Variants in EIPR1 observed in about 807,000 individuals in gnomAD.
EIPR1 encodes the protein EARP complex and GARP complex interacting protein 1, also known as EARP and GARP complex-interacting protein 1.
In EIPR1, 25 loss-of-function variants were observed where a neutral mutation model predicts 48.1. The observed-to-expected ratio is 0.52, with a 90% CI of 0.38 to 0.73. EIPR1 has a LOEUF of 0.73. Among genes scored for constraint, EIPR1 ranks in the 30% least tolerant of loss-of-function variants. The pLI is 0.00. For synonymous variants in EIPR1, 204 were observed against 201.9 expected, an observed-to-expected ratio of 1.01 and a Z score of -0.09; for missense variants, 415 against 506.2, an observed-to-expected ratio of 0.82 and a Z score of 1.73.
chr2:3,354,590 C>G lies in EIPR1; in HGVS notation c.86G>C (p.Arg29Pro). 6.2e-7 allele frequency: 1 copy of G among 1,614,024 alleles called. No individual in the cohort carries two copies. The highest frequency in any genetic ancestry group is 8.5e-7 in the Non-Finnish European group (1 of 1,179,984). ...TPQTAETDAIRFLVGTQSLKY... is the reference protein window; with the variant it reads ...TPQTAETDAIPFLVGTQSLKY... Reference sequence around the variant, plus strand: ...AAGAGACTGCGTCCCAACCAAAAACCGAATGGCATCTGTTTCTGCAGTTTG... The same window carrying G: ...AAGAGACTGCGTCCCAACCAAAAACGGAATGGCATCTGTTTCTGCAGTTTG... Residue 29 changes from arginine (R) to proline (P), a missense_variant, in exon 2 of 9, where the codon CGG (arginine) becomes CCG (proline). Transcript: ENST00000382125.
intron 5 of EIPR1, chr2:3,209,025 G>C (rs1055538589): frequency 1.4e-6 from 2 of 1,447,070 alleles, no homozygotes; most frequent in Non-Finnish European, 1.8e-6. Context: ...AGTGGAGGTG[G>C]CTGACCAGCA....
chr2:3,256,589 CAT>C (rs1177996214), intron 4 of EIPR1, among the ~76,000 whole-genome samples: 1 of 152,228 alleles, frequency 6.6e-6, no homozygotes, highest in African/African-American at 2.4e-5. Flanking sequence ...CACACACGCA[CAT>C]GTGTATGTGT....
chr2:3,225,006 C>A (rs977869296), intron 4 of EIPR1, among the ~76,000 whole-genome samples: 2 of 152,200 alleles, frequency 1.3e-5, no homozygotes, highest in Admixed American at 1.3e-4. Context: ...CACAGGTTTT[C>A]AATGTGAGTA....
At chr2:3,198,747 G>A (rs1017281751) in intron 5 of EIPR1, among the ~76,000 whole-genome samples, 2 of 152,082 alleles carry the variant, frequency 1.3e-5, no homozygotes, top group Non-Finnish European at 2.9e-5. Context: ...GGGAGTGTAC[G>A]AATAGGGTGT....
At chr2:3,323,278 A>G (rs1275312099) in intron 3 of EIPR1, among the ~76,000 whole-genome samples, 1 of 152,180 alleles carries the variant, frequency 6.6e-6, no homozygotes, top group African/African-American at 2.4e-5. Flanking sequence ...TGGTCCCCCC[A>G]GCCAGGAACG....
chr2:3,275,092 C>A (rs990871292), intron 3 of EIPR1, among the ~76,000 whole-genome samples: 1 of 152,002 alleles, frequency 6.6e-6, no homozygotes, highest in African/African-American at 2.4e-5. Context: ...TCAGTATTCA[C>A]AATAACTATA....
At chr2:3,195,853 C>T (rs532581604) in intron 6 of EIPR1, among the ~76,000 whole-genome samples, 2 of 152,344 alleles carry the variant, frequency 1.3e-5, no homozygotes, top group South Asian at 2.1e-4. Context: ...AGACACAACA[C>T]GGGCAAAATG....
At chr2:3,252,942 G>A (rs948659591) in intron 4 of EIPR1, among the ~76,000 whole-genome samples, 8 of 152,226 alleles carry the variant, frequency 5.3e-5, no homozygotes, top group Non-Finnish European at 1.0e-4. Flanking sequence ...TTTCTCCCTA[G>A]CCAGGGCTCT....
chr2:3,304,417 C>G (rs1668850859), intron 3 of EIPR1, among the ~76,000 whole-genome samples: 1 of 151,384 alleles, frequency 6.6e-6, no homozygotes, highest in South Asian at 2.1e-4. Context: ...CCTGTTCAAC[C>G]CTCCACTCCC....
At chr2:3,264,945 A>G (rs1230012244) in intron 3 of EIPR1, among the ~76,000 whole-genome samples, 1 of 152,136 alleles carries the variant, frequency 6.6e-6, no homozygotes, top group Non-Finnish European at 1.5e-5. Context: ...TCAGCCTCCC[A>G]AAGTGCTGGG....
rs138531952 is a variant in EIPR1 at position 3,364,509 on chromosome 2, C to A, written c.43-9876G>T. Among the ~76,000 whole-genome samples, 199 of 151,986 alleles carry A rather than the reference C, an allele frequency of 1.3e-3. 2 individuals are homozygous for A. Among genetic ancestry groups the A allele is most frequent in the African/African-American group, 4.6e-3 (190 of 41,444 alleles). On this transcript the variant is annotated intron_variant, in intron 1 of 8. Coordinates refer to ENST00000382125, the MANE Select transcript of EIPR1 (RefSeq NM_003310.5). ...AATTAACCTGGTGTGATGATGCACA[C>A]CTGTAGTCCCAGCCACTCTAGGGCC...
At chr2:3,250,622 G>T (rs1043399577) in intron 4 of EIPR1, among the ~76,000 whole-genome samples, 1 of 152,136 alleles carries the variant, frequency 6.6e-6, no homozygotes, top group South Asian at 2.1e-4. Flanking sequence ...TTGAATGTTA[G>T]TCCCCTCCAA....
rs370568422 is a variant in EIPR1, at chr2:3,203,898, C to T, written c.517-6881G>A. On this transcript the variant is annotated intron_variant, in intron 5 of 8. Coordinates refer to ENST00000382125, the MANE Select transcript of EIPR1 (RefSeq NM_003310.5). ...CCAGCAGCCCAGAAGGAGCCACATCCGACCAGCAGCAAGCCCAGCCCCACT... is the reference window on the plus strand; with the variant it reads ...CCAGCAGCCCAGAAGGAGCCACATCTGACCAGCAGCAAGCCCAGCCCCACT... 5.9e-3 allele frequency among the ~76,000 whole-genome samples: 892 copies of T among 152,336 alleles called. 6 individuals carry two copies. The highest frequency in any genetic ancestry group is 9.1e-3 in the Non-Finnish European group (622 of 68,024).
intron 4 of EIPR1, among the ~76,000 whole-genome samples, chr2:3,247,389 A>G (rs986552244): frequency 6.6e-6 from 1 of 152,190 alleles, no homozygotes; most frequent in African/African-American, 2.4e-5. Flanking sequence ...AGGGCGATGG[A>G]AAACCATAAA....
intron 5 of EIPR1, among the ~76,000 whole-genome samples, chr2:3,204,208 G>C (rs994258994): frequency 2.6e-5 from 4 of 152,182 alleles, no homozygotes; most frequent in African/African-American, 9.7e-5. Flanking sequence ...AACCCAGGGA[G>C]AGTGGGTGAG....
At chr2:3,343,452 T>C (rs1572467425) in intron 2 of EIPR1, among the ~76,000 whole-genome samples, 1 of 152,242 alleles carries the variant, frequency 6.6e-6, no homozygotes, top group Non-Finnish European at 1.5e-5. Context: ...GCTAGGCAGG[T>C]CTGCAAAGGC....
rs995566324 is a variant in EIPR1, at chr2:3,219,379, G to A, written c.417-5131C>T. Among the ~76,000 whole-genome samples the A allele has an allele frequency of 3.6e-4, 53 of 147,470 alleles. 2 individuals are homozygous for A. The highest frequency in any genetic ancestry group is 5.5e-4 in the Admixed American group (8 of 14,676). The stretch of plus-strand genomic sequence containing the variant: ...AGTGACTCAGGTGCACACCCAACAT[G>A]GCCCTGATACGTTCTAGAGCTTTCA... On this transcript the variant is annotated intron_variant, in intron 4 of 8. Transcript: ENST00000382125.
At chr2:3,260,328 T>G (rs1210121646) in intron 3 of EIPR1, among the ~76,000 whole-genome samples, 1 of 151,952 alleles carries the variant, frequency 6.6e-6, no homozygotes, top group African/African-American at 2.4e-5. Flanking sequence ...CCGTCTCTAC[T>G]AAACATATAA....
chr2:3,289,136 G>C (rs1315475431), intron 3 of EIPR1, among the ~76,000 whole-genome samples: 1 of 152,198 alleles, frequency 6.6e-6, no homozygotes, highest in Non-Finnish European at 1.5e-5. Context: ...CAGGGGAGAG[G>C]GGAGACAAGC....
Sources: allele counts gnomAD v4.1 joint callset (sites outside exome capture counted in the v4.1 genomes callset), GRCh38; gene constraint gnomAD v4.1.1; transcripts MANE v1.5; gene names NCBI Gene and HGNC (gene_info 2026-07-23, HGNC 2026-07-21).